The following DCP1A variants were observed in gnomAD, a reference collection of about 807,000 sequenced individuals.
DCP1A encodes the protein mRNA-decapping enzyme 1A.
Under a neutral mutation model 58.0 loss-of-function variants are expected in DCP1A, and 20 were observed. The ratio of observed to expected loss-of-function variants is 0.34; its 90% CI spans 0.24 to 0.50. The LOEUF is 0.50. DCP1A is among the 20% of genes least tolerant of loss of function. DCP1A has a pLI of 0.98. For missense variants in DCP1A, 613 were observed against 712.2 expected, an observed-to-expected ratio of 0.86 and a Z score of 1.59; for synonymous variants, 285 against 275.1, an observed-to-expected ratio of 1.04 and a Z score of -0.36.
intron 5 of DCP1A, among the ~76,000 whole-genome samples, chr3:53,310,372 T>C (rs1382434310): frequency 1.3e-5 from 2 of 152,248 alleles, no homozygotes; most frequent in African/African-American, 4.8e-5. Flanking sequence ...ATTTCCTACT[T>C]TCTCGTTGTG....
intron 5 of DCP1A, 67 bp downstream of exon 5, chr3:53,312,174 T>G: frequency 6.7e-7 from 1 of 1,484,044 alleles, no homozygotes; most frequent in Non-Finnish European, 9.0e-7. Context: ...TAAAATAGTC[T>G]CCTGCAGACC....
At chr3:53,287,732 A>G in intron 9 of DCP1A, 72 bp from the exon 10 acceptor site, 1 of 1,073,798 alleles carries the variant, frequency 9.3e-7, no homozygotes, top group Non-Finnish European at 1.4e-6. Flanking sequence ...CCTTGGTAAC[A>G]GCTTAGGAAA....
At chr3:53,296,389 C>T (rs1707128784) in intron 6 of DCP1A, among the ~76,000 whole-genome samples, 1 of 152,210 alleles carries the variant, frequency 6.6e-6, no homozygotes, top group African/African-American at 2.4e-5. Context: ...ATATTTCAAA[C>T]CCATTCCATC....
At chr3:53,332,166 C>T (rs1367441779) in intron 3 of DCP1A, among the ~76,000 whole-genome samples, 1 of 152,176 alleles carries the variant, frequency 6.6e-6, no homozygotes, top group Non-Finnish European at 1.5e-5. Context: ...GTATGAACCC[C>T]ATAGCTACCT....
At chr3:53,293,583 C>T (rs567804513) in intron 6 of DCP1A, among the ~76,000 whole-genome samples, 1 of 152,198 alleles carries the variant, frequency 6.6e-6, no homozygotes, top group East Asian at 1.9e-4. Context: ...GGGAGACACA[C>T]CTAAGCACTT....
Position 53,286,262 on chromosome 3 carries a change from G to A in DCP1A, c.*1318C>T, listed in dbSNP as rs781885808. 11 of 152,168 alleles carry A rather than the reference G, an allele frequency of 7.2e-5. No individual in the cohort carries two copies. The highest frequency in any genetic ancestry group is 1.9e-4 in the African/African-American group (8 of 41,424). The allele number at this position is 152,168 out of a possible 1,614,324, so 9.4% of individuals were successfully genotyped here. On this transcript the variant is annotated 3_prime_UTR_variant, in exon 10 of 10. Coordinates refer to ENST00000610213, the MANE Select transcript of DCP1A (RefSeq NM_018403.7). ...TATGCTAGCTGGTTGAGCCAATTGG[G>A]TTTTTACCCCATCATTAAATAGTGC... is the stretch of plus-strand genomic sequence containing the variant.
intron 5 of DCP1A, among the ~76,000 whole-genome samples, chr3:53,308,763 A>G (rs1471044998): frequency 2.0e-5 from 3 of 151,230 alleles, no homozygotes; most frequent in African/African-American, 7.3e-5. Flanking sequence ...CTAACTAATT[A>G]AAAAAAAATT....
chr3:53,316,030 A>C (rs1707802155), intron 4 of DCP1A, among the ~76,000 whole-genome samples: 2 of 152,194 alleles, frequency 1.3e-5, no homozygotes, highest in South Asian at 4.1e-4. Flanking sequence ...CTGGGATTAC[A>C]GGCGTGAGCC....
chr3:53,332,633 G>A (rs1477755238), intron 3 of DCP1A, among the ~76,000 whole-genome samples: 1 of 152,126 alleles, frequency 6.6e-6, no homozygotes, highest in African/African-American at 2.4e-5. Flanking sequence ...GGGAGGCCAA[G>A]GCGGGTGGAT....
chr3:53,330,096 A>C (rs2088958491), intron 3 of DCP1A, among the ~76,000 whole-genome samples: 1 of 152,246 alleles, frequency 6.6e-6, no homozygotes, highest in Non-Finnish European at 1.5e-5. Flanking sequence ...TGTCACTGTT[A>C]CTAGCCCAGT....
intron 4 of DCP1A, among the ~76,000 whole-genome samples, chr3:53,315,761 T>G (rs868913657): frequency 7.5e-6 from 1 of 134,030 alleles, no homozygotes; most frequent in South Asian, 2.5e-4. Context: ...TTTTTTGTTT[T>G]TTTTTTTTTT....
At chr3:53,340,189 T>C (rs2089182382) in intron 3 of DCP1A, among the ~76,000 whole-genome samples, 1 of 152,198 alleles carries the variant, frequency 6.6e-6, no homozygotes, top group South Asian at 2.1e-4. Context: ...TCTCCCAAAA[T>C]CGTGGGATTG....
intron 3 of DCP1A, among the ~76,000 whole-genome samples, chr3:53,321,973 G>T (rs1707981075): frequency 6.6e-6 from 1 of 152,084 alleles, no homozygotes; most frequent in African/African-American, 2.4e-5. Flanking sequence ...AGAAGTGCTA[G>T]CACAAGAGAT....
chr3:53,329,896 A>T (rs1380375928), intron 3 of DCP1A, among the ~76,000 whole-genome samples: 1 of 152,254 alleles, frequency 6.6e-6, no homozygotes, highest in Non-Finnish European at 1.5e-5. Context: ...TAACATGCAC[A>T]TAAAGTAAAA....
At chr3:53,341,271 G>T (rs782054876) in intron 3 of DCP1A, among the ~76,000 whole-genome samples, 1 of 151,578 alleles carries the variant, frequency 6.6e-6, no homozygotes, top group South Asian at 2.1e-4. Context: ...TGGCTAACAC[G>T]GTGAAACCCC....
chr3:53,294,846 A>G (rs1200783043), intron 6 of DCP1A, among the ~76,000 whole-genome samples: 1 of 152,210 alleles, frequency 6.6e-6, no homozygotes, highest in African/African-American at 2.4e-5. Context: ...AACAACATGG[A>G]AAGCGAATTT....
At chr3:53,344,265 T>C (rs1371180846) in intron 2 of DCP1A, among the ~76,000 whole-genome samples, 1 of 152,172 alleles carries the variant, frequency 6.6e-6, no homozygotes, top group Non-Finnish European at 1.5e-5. Flanking sequence ...GGAAAACAAG[T>C]ACCCCATGAC....
intron 5 of DCP1A, among the ~76,000 whole-genome samples, chr3:53,309,732 T>C (rs1270408670): frequency 6.6e-6 from 1 of 152,228 alleles, no homozygotes; most frequent in Non-Finnish European, 1.5e-5. Flanking sequence ...GCCCCTGCAC[T>C]CCAGCCTGGG....
intron 3 of DCP1A, among the ~76,000 whole-genome samples, chr3:53,341,430 G>A (rs367931273): frequency 4.6e-5 from 7 of 152,086 alleles, no homozygotes; most frequent in South Asian, 2.1e-4. Flanking sequence ...CTCCAGCCTG[G>A]GCAACAGAGC....
Sources: allele counts gnomAD v4.1 joint callset (sites outside exome capture counted in the v4.1 genomes callset), GRCh38; gene constraint gnomAD v4.1.1; transcripts MANE v1.5; gene names NCBI Gene and HGNC (gene_info 2026-07-23, HGNC 2026-07-21).